MRPS6: variants seen among roughly 807,000 people sequenced by gnomAD.
MRPS6 encodes small ribosomal subunit protein bS6m.
In MRPS6, 6 loss-of-function variants were observed where a neutral mutation model predicts 13.1. The observed-to-expected ratio is 0.46, with a 90% CI of 0.25 to 0.91. The LOEUF is 0.91. MRPS6 is among the 40% of genes least tolerant of loss of function. MRPS6 has a pLI of 0.18. For missense variants in MRPS6, 164 were observed against 155.6 expected, an observed-to-expected ratio of 1.05 and a Z score of -0.29; for synonymous variants, 61 against 56.5, an observed-to-expected ratio of 1.08 and a Z score of -0.36.
At chr21:34,131,582 G>T (rs1407962693) in intron 2 of MRPS6, among the ~76,000 whole-genome samples, 1 of 152,122 alleles carries the variant, frequency 6.6e-6, no homozygotes, top group Non-Finnish European at 1.5e-5. Context: ...TAGGTCTCTT[G>T]TGGACCTGTG....
At chr21:34,075,260 G>A (rs1288818226) in intron 1 of MRPS6, among the ~76,000 whole-genome samples, 1 of 152,226 alleles carries the variant, frequency 6.6e-6, no homozygotes, top group Admixed American at 6.5e-5. Flanking sequence ...GACACTGAAA[G>A]AGGCAACCTG....
intron 2 of MRPS6, among the ~76,000 whole-genome samples, chr21:34,134,992 G>A (rs1287252476): frequency 6.6e-6 from 1 of 152,146 alleles, no homozygotes; most frequent in African/African-American, 2.4e-5. Context: ...TGCGTATATT[G>A]TAAGTTGAGG....
chr21:34,113,157 C>A (rs146560013), intron 1 of MRPS6, among the ~76,000 whole-genome samples: 2 of 152,266 alleles, frequency 1.3e-5, no homozygotes, highest in African/African-American at 4.8e-5. Context: ...TTAGTACAGC[C>A]ATTGTGGCAA....
chr21:34,103,500 G>A (rs907268637), intron 1 of MRPS6: 1 of 999,226 alleles, frequency 1.0e-6, no homozygotes, highest in Non-Finnish European at 1.2e-6. Flanking sequence ...ATTGTAGGTT[G>A]ATAGGTATAT....
intron 1 of MRPS6, among the ~76,000 whole-genome samples, chr21:34,074,046 G>C (rs1374828378): frequency 1.4e-5 from 2 of 145,442 alleles, no homozygotes; most frequent in African/African-American, 2.5e-5. Context: ...CCCCGACCCC[G>C]ATCCCGGCGC....
At chr21:34,094,577 G>GGGCA (rs1182441182) in intron 1 of MRPS6, among the ~76,000 whole-genome samples, 1 of 152,156 alleles carries the variant, frequency 6.6e-6, no homozygotes, top group Non-Finnish European at 1.5e-5. Flanking sequence ...AGACAAGAAA[G>GGGCA]GGCAATGCTG....
chr21:34,103,108 G>A lies in MRPS6; in HGVS notation c.46-22233G>A, dbSNP rs1285629015. The A allele has an allele frequency of 2.8e-5, 28 of 999,844 alleles. No individual in the cohort carries two copies. In the East Asian group the frequency reaches 3.4e-4, roughly 12 times the overall value. 61.9% of individuals were successfully genotyped at this position (999,844 alleles called of 1,614,324 possible). A position where few individuals can be genotyped will look rare whatever the true frequency, so the allele number is the denominator to read the frequency against. On this transcript the variant is annotated intron_variant, in intron 1 of 2. Transcript: ENST00000399312. ...TGTTGTTATAATTGGAAACAGAAAC[G>A]AGGCTTATTGCTATTGCAGAAATCC...
chr21:34,097,229 G>T (rs1979006460), intron 1 of MRPS6: 2 of 1,613,974 alleles, frequency 1.2e-6, no homozygotes, highest in Admixed American at 3.3e-5. Flanking sequence ...TCAGAGACCT[G>T]ATGGAAGAGG....
chr21:34,125,266 A>G, intron 1 of MRPS6, 75 bp from the exon 2 acceptor site: 1 of 1,562,702 alleles, frequency 6.4e-7, no homozygotes, highest in Non-Finnish European at 8.6e-7. Context: ...GGAACTGAGC[A>G]GACTTAATCA....
At chr21:34,137,304 C>T (rs374177637) in intron 2 of MRPS6, among the ~76,000 whole-genome samples, 7 of 152,220 alleles carry the variant, frequency 4.6e-5, no homozygotes, top group Middle Eastern at 3.4e-3. Flanking sequence ...TCTTCTTACC[C>T]GTGAACAAGA....
At chr21:34,094,333 C>T (rs1978861669) in intron 1 of MRPS6, among the ~76,000 whole-genome samples, 1 of 151,984 alleles carries the variant, frequency 6.6e-6, no homozygotes, top group African/African-American at 2.4e-5. Flanking sequence ...CTAGGCAGTA[C>T]TTGGTTTTCT....
intron 1 of MRPS6, chr21:34,095,956 A>T: frequency 2.5e-6 from 4 of 1,614,136 alleles, no homozygotes; most frequent in Non-Finnish European, 3.4e-6. Flanking sequence ...ATGCTGCGGA[A>T]TCCAACAGAT....
Position 34,086,517 on chromosome 21 carries a change from TTGTGTGTGTGTG to T in MRPS6, c.45+12792_45+12803del, listed in dbSNP as rs34988334. 2.6e-4 allele frequency among the ~76,000 whole-genome samples: 38 copies of T among 148,384 alleles called. No homozygotes were observed. The South Asian group carries it at 4.3e-3, about 17-fold the overall frequency. On this transcript the variant is annotated intron_variant, in intron 1 of 2. Transcript: ENST00000399312. ...ACTTGTGTTTATTTCTAGTTTGTGT[TTGTGTGTGTGTG>T]TGTGTGTGTGTGTGTGTGTATCTTC...
chr21:34,120,738 T>C (rs969344103), intron 1 of MRPS6, among the ~76,000 whole-genome samples: 6 of 152,144 alleles, frequency 3.9e-5, no homozygotes, highest in African/African-American at 1.4e-4. Flanking sequence ...ATAAAATATT[T>C]AATTAATTTC....
intron 2 of MRPS6, among the ~76,000 whole-genome samples, chr21:34,134,923 G>A (rs973006174): frequency 5.3e-5 from 8 of 152,168 alleles, no homozygotes; most frequent in African/African-American, 1.9e-4. Flanking sequence ...TGTTAGGTTA[G>A]GTGGTGTATT....
chr21:34,076,844 C>T (rs535211443), intron 1 of MRPS6, among the ~76,000 whole-genome samples: 214 of 152,276 alleles, frequency 1.4e-3, no homozygotes, highest in Middle Eastern at 0.01. Flanking sequence ...TTTAAAAGTC[C>T]TGTTACACCC....
chr21:34,118,715 A>G (rs934940124), intron 1 of MRPS6, among the ~76,000 whole-genome samples: 1 of 152,006 alleles, frequency 6.6e-6, no homozygotes, highest in Admixed American at 6.6e-5. Flanking sequence ...GGGTTTCGCC[A>G]TGTTGGCCAG....
At chr21:34,136,951 T>C (rs549151685) in intron 2 of MRPS6, among the ~76,000 whole-genome samples, 1 of 152,336 alleles carries the variant, frequency 6.6e-6, no homozygotes, top group South Asian at 2.1e-4. Flanking sequence ...TCGGTTTTTT[T>C]GCGTGTGGAT....
At chr21:34,097,233 G>A in intron 1 of MRPS6, 1 of 1,614,096 alleles carries the variant, frequency 6.2e-7, no homozygotes, top group Non-Finnish European at 8.5e-7. Flanking sequence ...AGACCTGATG[G>A]AAGAGGAGGC....
Sources: gnomAD v4.1 joint callset for allele counts (sites outside exome capture counted in the v4.1 genomes callset) on GRCh38, gnomAD v4.1.1 for gene constraint, MANE v1.5 for transcripts, NCBI Gene and HGNC (gene_info 2026-07-23, HGNC 2026-07-21) for gene names.